Variants in WWOX observed in about 807,000 individuals in gnomAD.
WWOX encodes WW domain containing oxidoreductase.
A neutral mutation model predicts 46.2 loss-of-function variants in WWOX; 69 were observed. That is an observed-to-expected ratio of 1.49 (90% CI 1.23 to 1.82). WWOX has a LOEUF of 1.82. Among genes scored for constraint, WWOX ranks in the 40% most tolerant of loss-of-function variants. WWOX has a pLI of 0.00. For synonymous variants in WWOX, 359 were observed against 202.6 expected (o/e 1.77, Z -6.56); for missense variants, 919 against 542.6 (o/e 1.69, Z -6.89).
At chr16:79,144,221 G>T (rs2050143426) in intron 8 of WWOX, among the ~76,000 whole-genome samples, 1 of 152,142 alleles carries the variant, frequency 6.6e-6, no homozygotes, top group Non-Finnish European at 1.5e-5. Context: ...TTTCACTTCA[G>T]CACACCAGGA....
chr16:78,302,712 G>C (rs1485041029), intron 5 of WWOX, among the ~76,000 whole-genome samples: 1 of 152,106 alleles, frequency 6.6e-6, no homozygotes, highest in Non-Finnish European at 1.5e-5. Flanking sequence ...CTTCTCAGTC[G>C]AAGCAGCTTT....
chr16:78,330,764 C>T (rs2080737266), intron 5 of WWOX, among the ~76,000 whole-genome samples: 1 of 152,200 alleles, frequency 6.6e-6, no homozygotes, highest in Non-Finnish European at 1.5e-5. Context: ...TTTAAATATT[C>T]ATCTCACTTC....
chr16:78,803,917 G>T (rs1472354380), intron 8 of WWOX, among the ~76,000 whole-genome samples: 1 of 152,178 alleles, frequency 6.6e-6, no homozygotes, highest in Admixed American at 6.5e-5. Context: ...AGGTGTGTGT[G>T]TGGGTGGGGG....
intron 8 of WWOX, chr16:79,204,345 G>T (rs1433122856): frequency 6.6e-6 from 1 of 152,056 alleles, no homozygotes; most frequent in Non-Finnish European, 1.5e-5. Context: ...ATGGAAGATG[G>T]AACAAGTGTG....
chr16:78,750,692 T>A (rs1172750116), intron 8 of WWOX, among the ~76,000 whole-genome samples: 2 of 152,196 alleles, frequency 1.3e-5, no homozygotes, highest in Non-Finnish European at 2.9e-5. Context: ...CCTGTCTTCA[T>A]GCCCATGTGT....
At chr16:78,755,240 A>C (rs2049613159) in intron 8 of WWOX, among the ~76,000 whole-genome samples, 1 of 152,074 alleles carries the variant, frequency 6.6e-6, no homozygotes, top group South Asian at 2.1e-4. Flanking sequence ...TCATCAAAAA[A>C]AAAAAAAGAA....
chr16:79,024,337 C>T (rs2151388478), intron 8 of WWOX, among the ~76,000 whole-genome samples: 1 of 152,310 alleles, frequency 6.6e-6, no homozygotes, highest in Middle Eastern at 3.4e-3. Flanking sequence ...CAGCTCACTG[C>T]AGCCTCAAAC....
intron 8 of WWOX, among the ~76,000 whole-genome samples, chr16:78,634,831 AGAGAGAGTGTGT>A (rs1193053173): frequency 1.1e-4 from 12 of 111,356 alleles, no homozygotes; most frequent in African/African-American, 4.1e-4. Flanking sequence ...AGAGAGAGAG[AGAGAGAGTGTGT>A]GTGTGTGTGT....
intron 6 of WWOX, among the ~76,000 whole-genome samples, chr16:78,402,933 A>G (rs536116323): frequency 6.6e-6 from 1 of 152,306 alleles, no homozygotes; most frequent in East Asian, 1.9e-4. Context: ...TTCTCCAGCA[A>G]GGTTGTATTT....
Position 78,498,556 on chromosome 16 carries a change from C to T in WWOX, c.1056+65804C>T, listed in dbSNP as rs567346735. The stretch of plus-strand genomic sequence containing the variant: ...CAGAGACCGAGAAAGTGCTGCACAC[C>T]TTTGGCCTAAAGGGTAATGAGCAAC... On this transcript the variant is annotated intron_variant, in intron 8 of 8. Transcript: ENST00000566780. 2.6e-5 allele frequency among the ~76,000 whole-genome samples: 4 copies of T among 152,228 alleles called. No individual in the cohort carries two copies. In the South Asian group the frequency reaches 8.3e-4, roughly 32 times the overall value.
intron 4 of WWOX, among the ~76,000 whole-genome samples, chr16:78,154,485 CTTTTTTTTTTT>C (rs557916068): frequency 1.3e-5 from 1 of 77,818 alleles, no homozygotes; most frequent in African/African-American, 5.3e-5. Flanking sequence ...AATCCTTGAT[CTTTTTTTTTTT>C]TTTTTTTTTT....
At chr16:79,142,466 A>T (rs1304959974) in intron 8 of WWOX, among the ~76,000 whole-genome samples, 2 of 152,124 alleles carry the variant, frequency 1.3e-5, no homozygotes, top group African/African-American at 4.8e-5. Flanking sequence ...GCTACACATC[A>T]GGGCTCCCTC....
intron 8 of WWOX, among the ~76,000 whole-genome samples, chr16:78,485,558 T>C (rs1363694446): frequency 1.3e-5 from 2 of 152,196 alleles, no homozygotes; most frequent in Admixed American, 6.5e-5. Flanking sequence ...ACTAAATTAA[T>C]GTATACTGTG....
intron 8 of WWOX, among the ~76,000 whole-genome samples, chr16:79,095,856 C>G (rs1289707502): frequency 7.1e-6 from 1 of 141,090 alleles, no homozygotes; most frequent in Admixed American, 7.0e-5. Flanking sequence ...AATTCTCTCT[C>G]TCTCTTTTTT....
At chr16:78,133,240 C>G (rs2033665690) in intron 4 of WWOX, among the ~76,000 whole-genome samples, 1 of 152,056 alleles carries the variant, frequency 6.6e-6, no homozygotes, top group Non-Finnish European at 1.5e-5. Flanking sequence ...CTGAGAAGTA[C>G]CTGAAAGTGA....
At chr16:79,211,502 C>A in intron 8 of WWOX, 106 bp from the exon 9 acceptor site, 1 of 1,452,168 alleles carries the variant, frequency 6.9e-7, no homozygotes. Context: ...CCAGCTGAAA[C>A]TGAACCAGGT....
In WWOX at chr16:78,349,441, G is replaced by A. The variant is rs1401737775; in HGVS notation, c.517-37419G>A. Among the ~76,000 whole-genome samples, 2 of 120,658 alleles carry A rather than the reference G, an allele frequency of 1.7e-5. 1 individual carries two copies. Among genetic ancestry groups the A allele is most frequent in the Non-Finnish European group, 4.0e-5 (2 of 50,590 alleles). 79.2% of individuals were successfully genotyped at this position (120,658 alleles called of 152,430 possible). On this transcript the variant is annotated intron_variant, in intron 5 of 8. Coordinates refer to ENST00000566780, the MANE Select transcript of WWOX (RefSeq NM_016373.4). ...AATACCACTGCCTAATGTTTGCACG[G>A]GGATATCATGCTTTTCAGAGACCAT... is the stretch of plus-strand genomic sequence containing the variant.
chr16:78,235,217 G>A (rs1362132363), intron 5 of WWOX, among the ~76,000 whole-genome samples: 1 of 152,160 alleles, frequency 6.6e-6, no homozygotes, highest in Non-Finnish European at 1.5e-5. Context: ...TCTTCAAACA[G>A]CTCAGTACTT....
intron 8 of WWOX, among the ~76,000 whole-genome samples, chr16:79,115,044 C>T (rs1397341394): frequency 6.6e-6 from 1 of 152,230 alleles, no homozygotes; most frequent in African/African-American, 2.4e-5. Flanking sequence ...TTCCTGCCTG[C>T]TCTGATGACC....
Sources: gnomAD v4.1 joint callset for allele counts (sites outside exome capture counted in the v4.1 genomes callset) on GRCh38, gnomAD v4.1.1 for gene constraint, MANE v1.5 for transcripts, NCBI Gene and HGNC (gene_info 2026-07-23, HGNC 2026-07-21) for gene names.